Variants in APOO observed in about 807,000 individuals in gnomAD.
The protein encoded by APOO is apolipoprotein O, also known as MICOS complex subunit MIC26.
APOO carries 11 observed loss-of-function variants against 23.1 expected under a neutral mutation model. The observed-to-expected ratio is 0.48, with a 90% CI of 0.30 to 0.79. APOO has a LOEUF of 0.79. Ranked by LOEUF, APOO falls within the 30% of genes least tolerant of loss-of-function variation. The pLI, the probability that APOO is intolerant of heterozygous loss-of-function variation, is 0.07. For synonymous variants in APOO, 59 were observed against 54.8 expected (o/e 1.08, Z -0.34); for missense variants, 160 against 142.7 (o/e 1.12, Z -0.62).
rs147333668 is a variant in APOO at position 23,874,647 on chromosome X, T to G, written c.238-190A>C. ...ATTATAATCTTCCCTTCACTGCAAA[T>G]TACTCAGCAGAATGGCTTACTACTG... On this transcript the variant is annotated intron_variant, in intron 3 of 8. Transcript: ENST00000379226. 3.0e-4 allele frequency among the ~76,000 whole-genome samples: 34 copies of G among 111,793 alleles called. No individual in the cohort carries two copies. In the East Asian group the frequency reaches 9.2e-3, roughly 30 times the overall value.
At chrX:23,839,342 T>C (rs1355693448) in intron 8 of APOO, among the ~76,000 whole-genome samples, 1 of 111,953 alleles carries the variant, frequency 8.9e-6, no homozygotes, top group Non-Finnish European at 1.9e-5. Flanking sequence ...CCATCAGTGC[T>C]GGTGTAAAAG....
At chrX:23,867,912 C>A (rs1465521997) in intron 5 of APOO, among the ~76,000 whole-genome samples, 1 of 111,913 alleles carries the variant, frequency 8.9e-6, no homozygotes, top group Non-Finnish European at 1.9e-5. Flanking sequence ...AATACAGGGA[C>A]CAGAGTAGTC....
At chrX:23,855,488 A>T (rs1924741851) in intron 7 of APOO, among the ~76,000 whole-genome samples, 1 of 110,697 alleles carries the variant, frequency 9.0e-6, no homozygotes, top group East Asian at 2.8e-4. Flanking sequence ...TCAGTTATTT[A>T]TTTTTTTTTA....
rs745443358 is a variant in APOO at position 23,851,692 on chromosome X, A to G, written c.561+4610T>C. On this transcript the variant is annotated intron_variant, in intron 7 of 8. Transcript: ENST00000379226. ...AAAGTTCATTTTAACTGAAGCAGAT[A>G]AATTCCTCTTAAGTAACCAATGATG... is the stretch of plus-strand genomic sequence containing the variant. 3.6e-5 allele frequency among the ~76,000 whole-genome samples: 4 copies of G among 112,474 alleles called. No individual in the cohort carries two copies. The South Asian group carries it at 1.4e-3, about 40-fold the overall frequency.
intron 7 of APOO, among the ~76,000 whole-genome samples, chrX:23,848,064 G>A (rs1167268352): frequency 1.9e-5 from 2 of 107,191 alleles, no homozygotes; most frequent in Non-Finnish European, 3.8e-5. Flanking sequence ...TAGTAGAGAC[G>A]GGGTTTCACC....
At chrX:23,877,984 T>C (rs755240892) in intron 3 of APOO, among the ~76,000 whole-genome samples, 1 of 111,913 alleles carries the variant, frequency 8.9e-6, no homozygotes, top group East Asian at 2.8e-4. Context: ...GAAATACTTT[T>C]CATTTACGTA....
At chrX:23,890,408 G>A (rs1926601182) in intron 1 of APOO, among the ~76,000 whole-genome samples, 1 of 111,918 alleles carries the variant, frequency 8.9e-6, no homozygotes, top group South Asian at 3.7e-4. Flanking sequence ...TAGCAAGCTG[G>A]GTAGTGACTA....
intron 4 of APOO, 44 bp downstream of exon 4, chrX:23,874,359 T>G (rs754337528): frequency 9.1e-7 from 1 of 1,101,411 alleles, no homozygotes; most frequent in Non-Finnish European, 1.3e-6. Context: ...AAGAGTTCAA[T>G]GTTAATGAAG....
chrX:23,894,214 G>A (rs758228461), intron 1 of APOO, among the ~76,000 whole-genome samples: 31 of 108,724 alleles, frequency 2.9e-4, no homozygotes, highest in Admixed American at 1.9e-3. Context: ...GTGTGATCTC[G>A]GCTCACTGGA....
chrX:23,857,113 G>A (rs1692090761), intron 6 of APOO, among the ~76,000 whole-genome samples: 1 of 110,104 alleles, frequency 9.1e-6, no homozygotes, highest in Non-Finnish European at 1.9e-5. Context: ...AGAGGGCGAG[G>A]ATCAAAAAAC....
intron 2 of APOO, 74 bp from the exon 3 acceptor site, chrX:23,879,108 A>G: frequency 9.4e-7 from 1 of 1,061,474 alleles, no homozygotes; most frequent in Non-Finnish European, 1.3e-6. Flanking sequence ...ATTTGTAAGT[A>G]TTTAATATAA....
chrX:23,903,800 T>C (rs1927235918), intron 1 of APOO, among the ~76,000 whole-genome samples: 1 of 111,840 alleles, frequency 8.9e-6, no homozygotes, highest in Non-Finnish European at 1.9e-5. Flanking sequence ...TACCATTCTA[T>C]GGAGAACCAC....
At chrX:23,907,102 A>C (rs1031656500) in intron 1 of APOO, among the ~76,000 whole-genome samples, 3 of 112,189 alleles carry the variant, frequency 2.7e-5, no homozygotes, top group Non-Finnish European at 3.8e-5. Flanking sequence ...TTAAGTCTTC[A>C]TCGTAAAAGT....
intron 8 of APOO, 73 bp downstream of exon 8, chrX:23,840,240 A>G (rs1923904119): frequency 3.5e-6 from 2 of 576,578 alleles, no homozygotes; most frequent in Non-Finnish European, 5.2e-6. Flanking sequence ...ATTAAATTAA[A>G]TTAATTAAAA....
chrX:23,842,933 A>G (rs1028626472), intron 7 of APOO, among the ~76,000 whole-genome samples: 6 of 112,025 alleles, frequency 5.4e-5, no homozygotes, highest in East Asian at 5.6e-4. Context: ...GCTTGAACCC[A>G]GGAGGCGGAG....
intron 1 of APOO, among the ~76,000 whole-genome samples, chrX:23,894,128 A>AT (rs1275278590): frequency 9.0e-6 from 1 of 110,825 alleles, no homozygotes; most frequent in Non-Finnish European, 1.9e-5. Flanking sequence ...AGTGAAATTT[A>AT]TTTTTTAAAA....
intron 1 of APOO, among the ~76,000 whole-genome samples, chrX:23,907,246 C>G (rs1216445448): frequency 2.8e-5 from 3 of 107,384 alleles, no homozygotes; most frequent in Non-Finnish European, 5.8e-5. Context: ...ACCCCAGCCT[C>G]CCCCATACCC....
At chrX:23,868,732 T>C (rs772313348) in intron 4 of APOO, 44 bp from the exon 5 acceptor site, 1 of 1,076,885 alleles carries the variant, frequency 9.3e-7, no homozygotes, top group Non-Finnish European at 1.3e-6. Flanking sequence ...AAATTTCTCA[T>C]TAAAAAACAA....
At chrX:23,836,294 C>T (rs900318295) in intron 8 of APOO, among the ~76,000 whole-genome samples, 2 of 111,081 alleles carry the variant, frequency 1.8e-5, no homozygotes, top group African/African-American at 6.5e-5. Flanking sequence ...CCACCATGCC[C>T]GGCCTTAATT....
Sources: gnomAD v4.1 joint callset for allele counts (sites outside exome capture counted in the v4.1 genomes callset) on GRCh38, gnomAD v4.1.1 for gene constraint, MANE v1.5 for transcripts, NCBI Gene and HGNC (gene_info 2026-07-23, HGNC 2026-07-21) for gene names.